Variants in NTRK3 observed in about 807,000 individuals in gnomAD.
NTRK3 encodes NT-3 growth factor receptor.
Under a neutral mutation model 91.7 loss-of-function variants are expected in NTRK3, and 24 were observed. That is an observed-to-expected ratio of 0.26 (90% CI 0.19 to 0.37). NTRK3 has a LOEUF of 0.37. NTRK3 is among the 10% of genes least tolerant of loss of function. The pLI, the probability that NTRK3 is intolerant of heterozygous loss-of-function variation, is 1.00. For synonymous variants in NTRK3, 483 were observed against 404.0 expected, an observed-to-expected ratio of 1.20 and a Z score of -2.34; for missense variants, 880 against 1,068.9, an observed-to-expected ratio of 0.82 and a Z score of 2.46.
At chr15:87,920,098 G>A (rs918009367) in intron 17 of NTRK3, among the ~76,000 whole-genome samples, 6 of 152,160 alleles carry the variant, frequency 3.9e-5, no homozygotes, top group Non-Finnish European at 8.8e-5. Context: ...CCTGGACACA[G>A]AACTGACACT....
chr15:87,971,904 C>A (rs2073286099), intron 14 of NTRK3, among the ~76,000 whole-genome samples: 1 of 152,164 alleles, frequency 6.6e-6, no homozygotes, highest in Non-Finnish European at 1.5e-5. Context: ...CTATTGCAAG[C>A]CTTGCAGAGC....
intron 13 of NTRK3, among the ~76,000 whole-genome samples, chr15:88,070,804 T>C (rs2047029108): frequency 6.6e-6 from 1 of 152,052 alleles, no homozygotes; most frequent in East Asian, 1.9e-4. Context: ...CAGTGAATGA[T>C]GTTCTTGACA....
chr15:88,054,292 A>G (rs959911753), intron 13 of NTRK3, among the ~76,000 whole-genome samples: 15 of 152,356 alleles, frequency 9.8e-5, no homozygotes, highest in East Asian at 3.9e-4. Context: ...AGTGTTCTAT[A>G]TATCTACTGA....
chr15:88,129,514 A>G (rs778943610), intron 10 of NTRK3, among the ~76,000 whole-genome samples: 5 of 152,196 alleles, frequency 3.3e-5, no homozygotes, highest in Non-Finnish European at 7.4e-5. Context: ...TGCCCACTCT[A>G]CCAGAAATGC....
chr15:88,256,710 C>T (rs999204243), exon 1 of NTRK3: 6 of 371,648 alleles, frequency 1.6e-5, no homozygotes, highest in African/African-American at 2.1e-5. Context: ...GCGAATGGCT[C>T]GCCGCGCGGC....
At chr15:88,250,617 C>T (rs184760797) in intron 3 of NTRK3, among the ~76,000 whole-genome samples, 9 of 152,262 alleles carry the variant, frequency 5.9e-5, no homozygotes, top group African/African-American at 2.2e-4. Flanking sequence ...ATTCCCTCCT[C>T]ACATTAACCA....
At chr15:88,146,111 T>C (rs2042869138) in intron 6 of NTRK3, among the ~76,000 whole-genome samples, 2 of 152,220 alleles carry the variant, frequency 1.3e-5, no homozygotes. Context: ...CTTGGCACAA[T>C]GCCTGGCACA....
intron 5 of NTRK3, among the ~76,000 whole-genome samples, chr15:88,149,752 C>T (rs113823455): frequency 9.7e-4 from 148 of 152,336 alleles, no homozygotes; most frequent in African/African-American, 3.5e-3. Flanking sequence ...TCACTAACCA[C>T]ACCCTATTAG....
intron 15 of NTRK3, among the ~76,000 whole-genome samples, chr15:87,939,826 C>T (rs1252888968): frequency 6.6e-6 from 1 of 152,182 alleles, no homozygotes; most frequent in Non-Finnish European, 1.5e-5. Flanking sequence ...TTTATGTTAA[C>T]CATGTTCAAA....
intron 6 of NTRK3, among the ~76,000 whole-genome samples, chr15:88,139,113 C>T (rs1219324186): frequency 6.6e-6 from 1 of 152,202 alleles, no homozygotes; most frequent in Non-Finnish European, 1.5e-5. Flanking sequence ...TCCCTGTCCT[C>T]CAGGAGCACT....
In NTRK3 at chr15:87,875,779, C is replaced by T. The variant is rs2064930931; in HGVS notation, c.*1156G>A. 1.3e-5 allele frequency: 3 copies of T among 232,744 alleles called. No individual in the cohort carries two copies. In the Admixed American group the frequency reaches 1.7e-4, roughly 13 times the overall value. 14.4% of individuals were successfully genotyped at this position (232,744 alleles called of 1,614,324 possible). A position where few individuals can be genotyped will look rare whatever the true frequency, so the allele number is the denominator to read the frequency against. ...CCTCTCACTAGACCTGGCTCCCTTCCTTGGCAGTGGGGTTTACCTGGGACT... is the reference window on the plus strand; with the variant it reads ...CCTCTCACTAGACCTGGCTCCCTTCTTTGGCAGTGGGGTTTACCTGGGACT... On this transcript the variant is annotated 3_prime_UTR_variant, in exon 19 of 19. Transcript: ENST00000394480.
intron 14 of NTRK3, among the ~76,000 whole-genome samples, chr15:87,999,652 T>A (rs1026423016): frequency 6.6e-6 from 1 of 152,164 alleles, no homozygotes; most frequent in African/African-American, 2.4e-5. Context: ...GATAGGGGCA[T>A]GATAAGGAGC....
At chr15:87,891,953 C>A (rs1283957795) in intron 17 of NTRK3, among the ~76,000 whole-genome samples, 1 of 152,108 alleles carries the variant, frequency 6.6e-6, no homozygotes, top group Non-Finnish European at 1.5e-5. Flanking sequence ...TGAAGTCTAT[C>A]CAGCGTGTAC....
chr15:88,093,568 T>G (rs919696160), intron 13 of NTRK3, among the ~76,000 whole-genome samples: 1 of 152,212 alleles, frequency 6.6e-6, no homozygotes. Context: ...AGACAGGCTC[T>G]GTCTTCATCT....
At chr15:87,859,883 G>GATATGAT in exon 19 of NTRK3, 1 of 183,004 alleles carries the variant, frequency 5.5e-6, no homozygotes, top group East Asian at 8.9e-5. Flanking sequence ...CTATGAGAAA[G>GATATGAT]ACAGACATAT....
At chr15:88,250,833 A>G (rs551891773) in intron 3 of NTRK3, among the ~76,000 whole-genome samples, 29 of 152,382 alleles carry the variant, frequency 1.9e-4, no homozygotes, top group African/African-American at 6.5e-4. Context: ...CATATTTATT[A>G]CTTTATATGT....
At chr15:87,915,221 T>C (rs936848355) in intron 17 of NTRK3, among the ~76,000 whole-genome samples, 3 of 152,218 alleles carry the variant, frequency 2.0e-5, no homozygotes, top group African/African-American at 7.2e-5. Flanking sequence ...CTATGCATAA[T>C]AATAAGCAGT....
intron 14 of NTRK3, among the ~76,000 whole-genome samples, chr15:88,028,589 C>A (rs1432283543): frequency 6.6e-6 from 1 of 152,070 alleles, no homozygotes; most frequent in Non-Finnish European, 1.5e-5. Context: ...GCGGGCCAAC[C>A]AGGATGGAGA....
At chr15:88,093,816 G>A (rs1011652379) in intron 13 of NTRK3, among the ~76,000 whole-genome samples, 1 of 152,114 alleles carries the variant, frequency 6.6e-6, no homozygotes, top group Non-Finnish European at 1.5e-5. Context: ...TGGGCCTCAA[G>A]CGGGGGGGTT....
Sources: gnomAD v4.1 joint callset for allele counts (sites outside exome capture counted in the v4.1 genomes callset) on GRCh38, gnomAD v4.1.1 for gene constraint, MANE v1.5 for transcripts, NCBI Gene and HGNC (gene_info 2026-07-23, HGNC 2026-07-21) for gene names.